Variants in CCSER1 observed in about 807,000 individuals in gnomAD.
The protein encoded by CCSER1 is coiled-coil serine rich protein 1.
In CCSER1, 41 loss-of-function variants were observed where a neutral mutation model predicts 82.0. The observed-to-expected ratio is 0.50, with a 90% CI of 0.39 to 0.65. CCSER1 has a LOEUF of 0.65. CCSER1 is among the 30% of genes least tolerant of loss of function. CCSER1 has a pLI of 0.00. For synonymous variants in CCSER1, 414 were observed against 383.9 expected (o/e 1.08, Z -0.92); for missense variants, 1,119 against 1,064.2 (o/e 1.05, Z -0.72).
At chr4:91,163,728 G>GT (rs1287689481) in intron 10 of CCSER1, among the ~76,000 whole-genome samples, 12 of 151,974 alleles carry the variant, frequency 7.9e-5, no homozygotes, top group Non-Finnish European at 1.2e-4. Flanking sequence ...TTTAAAGTCT[G>GT]TTTTTTCAGA....
intron 6 of CCSER1, among the ~76,000 whole-genome samples, chr4:90,664,152 T>C (rs530474325): frequency 6.6e-6 from 1 of 152,328 alleles, no homozygotes; most frequent in Non-Finnish European, 1.5e-5. Flanking sequence ...ATATTGATGG[T>C]ATGAGTATGA....
chr4:90,216,251 G>A lies in CCSER1; in HGVS notation c.-42+88420G>A, dbSNP rs149241185. Among the ~76,000 whole-genome samples, 51 of 152,256 alleles carry A rather than the reference G, an allele frequency of 3.3e-4. 1 individual carries two copies. In the East Asian group the frequency reaches 9.5e-3, roughly 28 times the overall value. ...TAACAATACTTCTCTCTACTCCTGG[G>A]TGATTGATTCATGCATTGAATTTGA... On this transcript the variant is annotated intron_variant, in intron 1 of 10. Transcript: ENST00000509176.
intron 10 of CCSER1, among the ~76,000 whole-genome samples, chr4:91,140,028 C>T (rs559650874): frequency 2.0e-4 from 30 of 152,070 alleles, no homozygotes; most frequent in African/African-American, 5.8e-4. Flanking sequence ...TTAAATAGTT[C>T]TTTTATAGAT....
intron 10 of CCSER1, among the ~76,000 whole-genome samples, chr4:91,446,668 A>AAATTATAT (rs1553938700): frequency 2.6e-5 from 1 of 37,838 alleles, no homozygotes; most frequent in African/African-American, 7.1e-5. Flanking sequence ...ATATATTTTA[A>AAATTATAT]ATAAATAAAT....
intron 1 of CCSER1, among the ~76,000 whole-genome samples, chr4:90,286,391 A>G (rs553177793): frequency 6.6e-6 from 1 of 152,068 alleles, no homozygotes; most frequent in African/African-American, 2.4e-5. Flanking sequence ...ATGATTTCAC[A>G]TAAGGTGACA....
intron 5 of CCSER1, among the ~76,000 whole-genome samples, chr4:90,528,498 T>C (rs1357758714): frequency 6.6e-6 from 1 of 152,192 alleles, no homozygotes; most frequent in African/African-American, 2.4e-5. Flanking sequence ...GATTTAGAAC[T>C]TTGTCTTTAG....
intron 4 of CCSER1, among the ~76,000 whole-genome samples, chr4:90,422,829 A>G (rs1756905328): frequency 6.6e-6 from 1 of 152,148 alleles, no homozygotes; most frequent in South Asian, 2.1e-4. Context: ...GAAATCTCTC[A>G]TGAACTAAAA....
chr4:90,445,081 A>C (rs2153575022), intron 4 of CCSER1, among the ~76,000 whole-genome samples: 1 of 152,172 alleles, frequency 6.6e-6, no homozygotes, highest in South Asian at 2.1e-4. Context: ...AACTTTATAT[A>C]GAAAAAGCAT....
At chr4:90,804,017 GAAA>G (rs1757178280) in intron 7 of CCSER1, among the ~76,000 whole-genome samples, 1 of 152,172 alleles carries the variant, frequency 6.6e-6, no homozygotes. Context: ...CTTCTTTTGA[GAAA>G]TGTCTGTTCA....
At chr4:90,756,419 TA>T (rs150912687) in intron 7 of CCSER1, among the ~76,000 whole-genome samples, 1,639 of 152,282 alleles carry the variant, frequency 0.011, 30 homozygotes, top group African/African-American at 0.037. Context: ...TCAACATTTT[TA>T]GGAATGTTTC....
chr4:91,488,249 G>A (rs1758329329), intron 10 of CCSER1, among the ~76,000 whole-genome samples: 1 of 152,020 alleles, frequency 6.6e-6, no homozygotes, highest in Admixed American at 6.5e-5. Context: ...TTTCCACTCT[G>A]TTCTTTTTCA....
intron 10 of CCSER1, among the ~76,000 whole-genome samples, chr4:91,474,505 T>C (rs889769349): frequency 6.6e-6 from 1 of 151,456 alleles, no homozygotes; most frequent in African/African-American, 2.4e-5. Context: ...AACAAAATTC[T>C]TTGGGATAAT....
chr4:90,495,759 T>C (rs983268312), intron 5 of CCSER1, among the ~76,000 whole-genome samples: 4 of 152,132 alleles, frequency 2.6e-5, no homozygotes, highest in Non-Finnish European at 5.9e-5. Flanking sequence ...AAGGATCCAA[T>C]ACATTAAATA....
chr4:90,793,498 T>C (rs547174193), intron 7 of CCSER1, among the ~76,000 whole-genome samples: 1 of 152,338 alleles, frequency 6.6e-6, no homozygotes, highest in African/African-American at 2.4e-5. Flanking sequence ...GCAAAGGACG[T>C]AATCTTATTC....
intron 5 of CCSER1, among the ~76,000 whole-genome samples, chr4:90,542,389 C>G (rs1359392250): frequency 6.6e-6 from 1 of 152,110 alleles, no homozygotes; most frequent in Non-Finnish European, 1.5e-5. Flanking sequence ...GAGAAGTACA[C>G]TTATTCTAGT....
At position 90,148,207 on chromosome 4, in the gene CCSER1, T is replaced by G. The variant is rs1443980586; in HGVS notation, c.-42+20376T>G. Among the ~76,000 whole-genome samples, 4 of 152,134 alleles carry G rather than the reference T, an allele frequency of 2.6e-5. No individual in the cohort carries two copies. The South Asian group carries it at 6.2e-4, about 24-fold the overall frequency. ...AATTGTATGTAATTATAATTTAAAT[T>G]TTATAGTTATAGGCAACCTTTAGGA... On this transcript the variant is annotated intron_variant, in intron 1 of 10. Transcript: ENST00000509176.
chr4:91,281,395 A>G (rs186899204), intron 10 of CCSER1, among the ~76,000 whole-genome samples: 201 of 152,296 alleles, frequency 1.3e-3, no homozygotes, highest in Admixed American at 5.3e-3. Flanking sequence ...GAGCATAAAC[A>G]TATAACTAAA....
At chr4:90,245,277 T>C (rs1290498223) in intron 1 of CCSER1, among the ~76,000 whole-genome samples, 1 of 152,176 alleles carries the variant, frequency 6.6e-6, no homozygotes, top group Non-Finnish European at 1.5e-5. Flanking sequence ...AAAAATAATT[T>C]TCATTATGTT....
chr4:90,735,119 T>C (rs1745435853), intron 7 of CCSER1, among the ~76,000 whole-genome samples: 1 of 152,194 alleles, frequency 6.6e-6, no homozygotes, highest in South Asian at 2.1e-4. Context: ...ACATGGCATG[T>C]CATATTAATT....
Sources: allele counts gnomAD v4.1 joint callset (sites outside exome capture counted in the v4.1 genomes callset), GRCh38; gene constraint gnomAD v4.1.1; transcripts MANE v1.5; gene names NCBI Gene and HGNC (gene_info 2026-07-23, HGNC 2026-07-21).